The following SEMA3A variants were observed in gnomAD, a reference collection of about 807,000 sequenced individuals.
The protein encoded by SEMA3A is semaphorin 3A.
SEMA3A carries 29 observed loss-of-function variants against 97.9 expected under a neutral mutation model. That is an observed-to-expected ratio of 0.30 (90% CI 0.22 to 0.40). SEMA3A has a LOEUF of 0.40. Among genes scored for constraint, SEMA3A ranks in the 10% least tolerant of loss-of-function variants. SEMA3A has a pLI of 1.00. For synonymous variants in SEMA3A, 321 were observed against 323.7 expected (o/e 0.99, Z 0.09); for missense variants, 763 against 951.3 (o/e 0.80, Z 2.60).
In SEMA3A at chr7:84,487,145, C is replaced by T. The variant is rs1351101437; in HGVS notation, c.-246+5315G>A. Among the ~76,000 whole-genome samples, 8 of 151,938 alleles carry T rather than the reference C, an allele frequency of 5.3e-5. No individual in the cohort carries two copies. The South Asian group carries it at 1.0e-3, about 20-fold the overall frequency. Reference sequence around the variant, plus strand: ...TTAAAAAAATGGGTATTTTAATGGGCCTCAAATGAAAAGAAATATTTAATA... The same window carrying T: ...TTAAAAAAATGGGTATTTTAATGGGTCTCAAATGAAAAGAAATATTTAATA... On this transcript the variant is annotated intron_variant, in intron 1 of 3. Transcript: ENST00000424555.
chr7:84,126,974 T>A (rs1795818404), intron 3 of SEMA3A, among the ~76,000 whole-genome samples: 1 of 152,178 alleles, frequency 6.6e-6, no homozygotes. Context: ...TTTCAAATTA[T>A]GCATCATTTA....
chr7:84,121,386 G>T (rs1045070388), intron 3 of SEMA3A, among the ~76,000 whole-genome samples: 9 of 143,428 alleles, frequency 6.3e-5, no homozygotes. Flanking sequence ...ACAGGCCCCA[G>T]TGTGTGATGT....
intron 1 of SEMA3A, among the ~76,000 whole-genome samples, chr7:84,394,604 T>C (rs1803677061): frequency 6.6e-6 from 1 of 152,160 alleles, no homozygotes; most frequent in South Asian, 2.1e-4. Context: ...ATGAGAGTCA[T>C]AGTTGATGGC....
intron 4 of SEMA3A, among the ~76,000 whole-genome samples, chr7:84,102,518 C>G (rs1007558961): frequency 6.7e-6 from 1 of 149,128 alleles, no homozygotes; most frequent in Non-Finnish European, 1.5e-5. Context: ...GACCCATAGA[C>G]CAGGGCTATA....
At position 84,134,805 on chromosome 7, in the gene SEMA3A, C is replaced by G. The variant is rs781641329; in HGVS notation, c.259G>C (p.Asp87His). The G allele has an allele frequency of 2.5e-6, 4 of 1,609,696 alleles. No individual in the cohort carries two copies. The highest frequency in any genetic ancestry group is 3.4e-5 in the Admixed American group (2 of 59,276). ...TAGAATACTGATACCTTTTGAAAAT[C>G]CTTGATATTAACCAGGTCGAATGAA... is the stretch of plus-strand genomic sequence containing the variant. Reference protein sequence around the residue: ...IFSFDLVNIKDFQKIVWPVSY... With the variant: ...IFSFDLVNIKHFQKIVWPVSY... Residue 87 changes from aspartate (D) to histidine (H), a missense_variant, in exon 2 of 17, where the codon GAT becomes CAT. Transcript: ENST00000265362.
chr7:84,068,312 T>C (rs1464620061), intron 4 of SEMA3A, among the ~76,000 whole-genome samples: 9 of 146,558 alleles, frequency 6.1e-5, no homozygotes, highest in Admixed American at 2.7e-4. Context: ...TTGGGAGATA[T>C]ACCTAATGCT....
intron 1 of SEMA3A, among the ~76,000 whole-genome samples, chr7:84,471,232 T>A (rs767758262): frequency 6.6e-6 from 1 of 151,156 alleles, no homozygotes; most frequent in Non-Finnish European, 1.5e-5. Context: ...TAAACTGATA[T>A]AAACTATGTT....
intron 6 of SEMA3A, among the ~76,000 whole-genome samples, chr7:84,029,805 CCATATA>C (rs769793128): frequency 0.024 from 2,573 of 106,892 alleles, 59 homozygotes; most frequent in African/African-American, 0.096. Context: ...CACATCCCTT[CCATATA>C]CACACACACA....
intron 6 of SEMA3A, among the ~76,000 whole-genome samples, chr7:84,016,444 A>G (rs956669202): frequency 6.6e-6 from 1 of 151,800 alleles, no homozygotes; most frequent in Non-Finnish European, 1.5e-5. Flanking sequence ...AGGCTGAGGC[A>G]GGAGAATGGC....
At chr7:84,130,230 G>A (rs1042826687) in intron 2 of SEMA3A, among the ~76,000 whole-genome samples, 2 of 152,034 alleles carry the variant, frequency 1.3e-5, no homozygotes, top group South Asian at 4.1e-4. Flanking sequence ...TAAAATGACT[G>A]ATTGTCATTC....
At position 84,120,100 on chromosome 7, in the gene SEMA3A, CAA is replaced by C. The variant is rs35704820; in HGVS notation, c.333+9021_333+9022del. Among the ~76,000 whole-genome samples, 627 of 144,702 alleles carry C rather than the reference CAA, an allele frequency of 4.3e-3. 6 individuals carry two copies. Among genetic ancestry groups the C allele is most frequent in the African/African-American group, 0.011 (441 of 39,468 alleles). 94.9% of individuals were successfully genotyped at this position (144,702 alleles called of 152,430 possible). On this transcript the variant is annotated intron_variant, in intron 3 of 16. Coordinates refer to ENST00000265362, the MANE Select transcript of SEMA3A (RefSeq NM_006080.3). ...ATTTCAAATGCTAGCCTTACTTTAC[CAA>C]AAAAAAAAAAAATTAAAATGCATTT...
intron 4 of SEMA3A, among the ~76,000 whole-genome samples, chr7:84,066,014 A>G (rs887052778): frequency 6.6e-6 from 1 of 151,592 alleles, no homozygotes; most frequent in African/African-American, 2.4e-5. Flanking sequence ...TGATGCAAAA[A>G]TCCTCAATAA....
intron 3 of SEMA3A, among the ~76,000 whole-genome samples, chr7:84,276,662 A>G (rs1338850423): frequency 6.6e-6 from 1 of 152,122 alleles, no homozygotes; most frequent in Non-Finnish European, 1.5e-5. Flanking sequence ...GTTATTACAA[A>G]TATTTTATAC....
intron 1 of SEMA3A, among the ~76,000 whole-genome samples, chr7:84,463,034 G>A (rs769331517): frequency 1.4e-4 from 21 of 151,622 alleles, no homozygotes; most frequent in Non-Finnish European, 2.5e-4. Context: ...TCTCATTACC[G>A]TAGTCTCTAC....
chr7:84,352,181 C>A (rs1239334244), intron 2 of SEMA3A, among the ~76,000 whole-genome samples: 2 of 151,684 alleles, frequency 1.3e-5, no homozygotes, highest in African/African-American at 2.4e-5. Flanking sequence ...AAAATTAAAA[C>A]AATTGAGATA....
At chr7:84,211,606 G>C (rs940752389) in intron 3 of SEMA3A, among the ~76,000 whole-genome samples, 1 of 150,472 alleles carries the variant, frequency 6.6e-6, no homozygotes, top group Non-Finnish European at 1.5e-5. Context: ...TGGGCAACAA[G>C]AATGAAACTC....
At chr7:84,094,310 C>T (rs1013989676) in intron 4 of SEMA3A, among the ~76,000 whole-genome samples, 2 of 146,396 alleles carry the variant, frequency 1.4e-5, no homozygotes, top group Non-Finnish European at 3.0e-5. Context: ...CTCCCTACAT[C>T]TAAGATCTTA....
chr7:84,205,978 C>T (rs1436666878), intron 3 of SEMA3A, among the ~76,000 whole-genome samples: 1 of 152,060 alleles, frequency 6.6e-6, no homozygotes, highest in Non-Finnish European at 1.5e-5. Flanking sequence ...TACTTTAAAA[C>T]TAGAGTGCCA....
chr7:84,266,220 C>T (rs1456407334), intron 3 of SEMA3A, among the ~76,000 whole-genome samples: 1 of 145,186 alleles, frequency 6.9e-6, no homozygotes, highest in Non-Finnish European at 1.5e-5. Context: ...ACTCAGGAAG[C>T]TGAGGCAGGA....
Sources: allele counts gnomAD v4.1 joint callset (sites outside exome capture counted in the v4.1 genomes callset), GRCh38; gene constraint gnomAD v4.1.1; transcripts MANE v1.5; gene names NCBI Gene and HGNC (gene_info 2026-07-23, HGNC 2026-07-21).